LRRTM4: variants seen among roughly 807,000 people sequenced by gnomAD.
The protein encoded by LRRTM4 is leucine rich repeat transmembrane neuronal 4.
LRRTM4 carries 25 observed loss-of-function variants against 47.6 expected under a neutral mutation model. The observed-to-expected ratio is 0.53, with a 90% CI of 0.38 to 0.73. The LOEUF is 0.73. LRRTM4 is among the 30% of genes least tolerant of loss of function. LRRTM4 has a pLI of 0.00. For missense variants in LRRTM4, 638 were observed against 713.4 expected (o/e 0.89, Z 1.20); for synonymous variants, 311 against 269.5 (o/e 1.15, Z -1.51).
At chr2:76,770,328 C>A (rs1354886919) in intron 3 of LRRTM4, among the ~76,000 whole-genome samples, 1 of 152,102 alleles carries the variant, frequency 6.6e-6, no homozygotes, top group African/African-American at 2.4e-5. Context: ...ATAACAGTAA[C>A]TTTTTGCTGT....
chr2:77,042,996 T>C (rs1679088945), intron 3 of LRRTM4, among the ~76,000 whole-genome samples: 1 of 151,704 alleles, frequency 6.6e-6, no homozygotes, highest in African/African-American at 2.4e-5. Flanking sequence ...AGGCTCTGTC[T>C]CTGTTTCTCA....
chr2:76,950,277 G>A (rs1453611643), intron 3 of LRRTM4, among the ~76,000 whole-genome samples: 1 of 151,912 alleles, frequency 6.6e-6, no homozygotes, highest in African/African-American at 2.4e-5. Flanking sequence ...CTATGGTAAT[G>A]TTACATTTTA....
chr2:77,401,114 T>C (rs900900737), intron 3 of LRRTM4, among the ~76,000 whole-genome samples: 1 of 151,920 alleles, frequency 6.6e-6, no homozygotes, highest in East Asian at 1.9e-4. Context: ...ATATTGCTGG[T>C]TGCATGGTCT....
At chr2:77,362,431 C>A (rs988003486) in intron 3 of LRRTM4, among the ~76,000 whole-genome samples, 12 of 152,266 alleles carry the variant, frequency 7.9e-5, no homozygotes, top group Non-Finnish European at 1.5e-4. Flanking sequence ...AGTCAGAAAT[C>A]AATCCAACAC....
chr2:77,132,131 T>C (rs771884576), intron 3 of LRRTM4, among the ~76,000 whole-genome samples: 15 of 152,154 alleles, frequency 9.9e-5, no homozygotes, highest in Non-Finnish European at 2.1e-4. Context: ...ATGAACTCTT[T>C]ATTCCTTCCT....
In LRRTM4 at chr2:76,777,198, A is replaced by C. The variant is rs74692170; in HGVS notation, c.1552-28282T>G. Among the ~76,000 whole-genome samples the C allele has an allele frequency of 5.0e-3, 761 of 150,890 alleles. 26 individuals are homozygous for C. Among genetic ancestry groups the C allele is most frequent in the South Asian group, 0.017 (75 of 4,542 alleles). ...AGTTTGAAGTCAGGGAGTGTGATGC[A>C]TCCAGCTTTGTTCTTTTGGCTTAGG... On this transcript the variant is annotated intron_variant, in intron 3 of 3. Coordinates refer to ENST00000409884, the MANE Select transcript of LRRTM4 (RefSeq NM_001134745.3).
At chr2:76,914,068 A>C (rs933718196) in intron 3 of LRRTM4, among the ~76,000 whole-genome samples, 2 of 151,786 alleles carry the variant, frequency 1.3e-5, no homozygotes, top group Non-Finnish European at 2.9e-5. Context: ...AAAGTTTGAA[A>C]GTATTATTTA....
intron 3 of LRRTM4, among the ~76,000 whole-genome samples, chr2:77,022,765 T>C (rs964991314): frequency 2.6e-5 from 4 of 152,240 alleles, no homozygotes; most frequent in African/African-American, 9.6e-5. Context: ...TCTGCCCCTG[T>C]GGCTTTGCAG....
At chr2:76,792,696 A>G (rs895795644) in intron 3 of LRRTM4, among the ~76,000 whole-genome samples, 7 of 152,062 alleles carry the variant, frequency 4.6e-5, no homozygotes, top group Admixed American at 3.3e-4. Context: ...ATAGACTTGT[A>G]GAATTCTTTG....
At chr2:77,244,800 T>C (rs1371331137) in intron 3 of LRRTM4, among the ~76,000 whole-genome samples, 1 of 152,168 alleles carries the variant, frequency 6.6e-6, no homozygotes, top group African/African-American at 2.4e-5. Context: ...TTAATTACCC[T>C]TTGAAGAAGC....
chr2:76,811,063 C>T (rs986669674), intron 3 of LRRTM4, among the ~76,000 whole-genome samples: 5 of 152,120 alleles, frequency 3.3e-5, no homozygotes, highest in Non-Finnish European at 5.9e-5. Context: ...AGTCCTTATT[C>T]TAACCAAGTC....
chr2:76,987,222 T>C (rs778998486), intron 3 of LRRTM4, among the ~76,000 whole-genome samples: 26 of 151,912 alleles, frequency 1.7e-4, no homozygotes, highest in South Asian at 4.1e-4. Context: ...TAACCAAAGG[T>C]TGTATAACAT....
At chr2:76,807,461 T>C (rs867442559) in intron 3 of LRRTM4, among the ~76,000 whole-genome samples, 8,753 of 100,346 alleles carry the variant, frequency 0.087, 632 homozygotes, top group African/African-American at 0.22. Context: ...TATATATACA[T>C]ATATATATAC....
chr2:77,238,750 G>A (rs1472449621), intron 3 of LRRTM4, among the ~76,000 whole-genome samples: 1 of 151,814 alleles, frequency 6.6e-6, no homozygotes, highest in African/African-American at 2.4e-5. Flanking sequence ...AAGAATTAGA[G>A]GAAACTTCTC....
intron 3 of LRRTM4, among the ~76,000 whole-genome samples, chr2:76,816,930 G>A (rs758885894): frequency 1.4e-5 from 2 of 147,292 alleles, no homozygotes; most frequent in African/African-American, 2.5e-5. Flanking sequence ...TCATGTTTGC[G>A]GGAAGTGTAC....
Position 77,080,071 on chromosome 2 carries a change from G to A in LRRTM4, c.1552-331155C>T, listed in dbSNP as rs181156585. On this transcript the variant is annotated intron_variant, in intron 3 of 3. Transcript: ENST00000409884. ...TTCTCATTTGGATTTTATCTCAACA[G>A]GACTTTAAAATTACTCTCATTAAAC... Among the ~76,000 whole-genome samples, 4 of 151,990 alleles carry A rather than the reference G, an allele frequency of 2.6e-5. No individual in the cohort carries two copies. The East Asian group carries it at 7.7e-4, about 29-fold the overall frequency.
rs909542532 is a variant in LRRTM4, at chr2:77,518,934, A to G, written c.935T>C (p.Met312Thr). 6.2e-7 allele frequency: 1 copy of G among 1,610,548 alleles called. No individual in the cohort carries two copies. Among genetic ancestry groups the G allele is most frequent in the Non-Finnish European group, 8.5e-7 (1 of 1,178,236 alleles). ...ACAAATGCTCCGACTGCATTCCCAC[A>G]TATTTCCAGACAATGTGATGGATAT... ...SLISITLSGNMWECSRSICPL... is the reference protein window; with the variant it reads ...SLISITLSGNTWECSRSICPL... The change falls in exon 3 of 4, where the codon ATG (methionine) becomes ACG (threonine). Residue 312 changes from methionine (M) to threonine (T), a missense_variant. Physicochemically the swap from Met to Thr is moderately conservative, Grantham distance 81. Coordinates refer to ENST00000409884, the MANE Select transcript of LRRTM4 (RefSeq NM_001134745.3).
intron 3 of LRRTM4, among the ~76,000 whole-genome samples, chr2:76,946,492 T>C (rs954910962): frequency 6.6e-6 from 1 of 151,790 alleles, no homozygotes. Flanking sequence ...AATGATGCTA[T>C]AGACTAGATA....
chr2:77,367,579 C>A (rs574046681), intron 3 of LRRTM4, among the ~76,000 whole-genome samples: 1 of 151,952 alleles, frequency 6.6e-6, no homozygotes, highest in South Asian at 2.1e-4. Flanking sequence ...CTCTTGGAAA[C>A]TGTGTTTCAG....
Sources: allele counts gnomAD v4.1 joint callset (sites outside exome capture counted in the v4.1 genomes callset), GRCh38; gene constraint gnomAD v4.1.1; transcripts MANE v1.5; gene names NCBI Gene and HGNC (gene_info 2026-07-23, HGNC 2026-07-21).